USP42: variants seen among roughly 807,000 people sequenced by gnomAD.
USP42 encodes ubiquitin carboxyl-terminal hydrolase 42.
USP42 carries 23 observed loss-of-function variants against 113.0 expected under a neutral mutation model. The observed-to-expected ratio is 0.20, with a 90% CI of 0.15 to 0.29. USP42 has a LOEUF of 0.29. Ranked by LOEUF, USP42 falls within the 10% of genes least tolerant of loss-of-function variation. USP42 has a pLI of 1.00. For synonymous variants in USP42, 933 were observed against 699.0 expected (o/e 1.33, Z -5.28); for missense variants, 2,174 against 1,779.8 (o/e 1.22, Z -3.99).
At chr7:6,151,175 G>C (rs1583676559) in intron 14 of USP42, among the ~76,000 whole-genome samples, 1 of 152,244 alleles carries the variant, frequency 6.6e-6, no homozygotes, top group South Asian at 2.1e-4. Flanking sequence ...TGGCAGGACT[G>C]GAGGGTGCTC....
chr7:6,129,576 A>C lies in USP42; in HGVS notation c.443-6265A>C, dbSNP rs1294092996. On this transcript the variant is annotated intron_variant, in intron 3 of 17. Transcript: ENST00000306177. ...TGCCTCAGGAAAAAAAAAAAAAAAA[A>C]AGGACGAGGCGCGGTGGCTCATGCC... Among the ~76,000 whole-genome samples the C allele has an allele frequency of 2.9e-5, 4 of 136,692 alleles. 1 individual carries two copies. In the East Asian group the frequency reaches 9.2e-4, roughly 31 times the overall value. 89.7% of individuals were successfully genotyped at this position (136,692 alleles called of 152,430 possible). A position where few individuals can be genotyped will look rare whatever the true frequency, so the allele number is the denominator to read the frequency against.
chr7:6,104,738 C>T (rs1319800871), upstream of USP42: 1 of 152,152 alleles, frequency 6.6e-6, no homozygotes, highest in Non-Finnish European at 1.5e-5. Flanking sequence ...TGGTGACGCG[C>T]GACGTCTGCC....
At chr7:6,135,651 CAAAAAAAAAAAAA>C (rs1173165919) in intron 3 of USP42, among the ~76,000 whole-genome samples, 177 bp from the exon 4 acceptor site, 3 of 16,160 alleles carry the variant, frequency 1.9e-4, no homozygotes, top group Non-Finnish European at 2.8e-4. Flanking sequence ...GACTCCATCT[CAAAAAAAAAAAAA>C]AAAAAAAAAA....
At chr7:6,086,433 C>T in the USP42 span, among the ~76,000 whole-genome samples, 3 of 150,768 alleles carry the variant, frequency 2.0e-5, no homozygotes, top group Admixed American at 2.0e-4. Context: ...TCTCGATCTC[C>T]TGACATCATG....
chr7:6,127,543 G>C (rs147380273), intron 3 of USP42, among the ~76,000 whole-genome samples: 1 of 151,692 alleles, frequency 6.6e-6, no homozygotes, highest in East Asian at 1.9e-4. Context: ...AGCTGTCTTT[G>C]TTGAATTGCT....
At chr7:6,119,870 A>G (rs947584377) in intron 3 of USP42, among the ~76,000 whole-genome samples, 1 of 151,804 alleles carries the variant, frequency 6.6e-6, no homozygotes, top group Non-Finnish European at 1.5e-5. Context: ...CACCTAGCTA[A>G]TTTTTTGTTT....
the USP42 span, among the ~76,000 whole-genome samples, chr7:6,082,456 T>C: frequency 1.4e-5 from 2 of 146,346 alleles, no homozygotes; most frequent in Non-Finnish European, 2.9e-5. Flanking sequence ...CCTAAACATA[T>C]AAAATATATT....
chr7:6,111,438 G>T, intron 2 of USP42, 64 bp downstream of exon 2: 1 of 1,567,164 alleles, frequency 6.4e-7, no homozygotes, highest in Non-Finnish European at 8.7e-7. Flanking sequence ...CTGGGGCTTG[G>T]TGGTTTCAGA....
At chr7:6,115,023 G>A (rs1779840774) in intron 2 of USP42, among the ~76,000 whole-genome samples, 1 of 151,810 alleles carries the variant, frequency 6.6e-6, no homozygotes, top group Non-Finnish European at 1.5e-5. Context: ...GTTGTTCAGA[G>A]CAGCATCCAA....
rs774981405 is a variant in USP42, at chr7:6,153,899, G to A, written c.2345G>A (p.Gly782Asp). The A allele has an allele frequency of 1.9e-6, 3 of 1,587,908 alleles. No individual in the cohort carries two copies. Among genetic ancestry groups the A allele is most frequent in the African/African-American group, 1.4e-5 (1 of 74,050 alleles). Residue 782 changes from glycine to aspartate, a missense_variant, in exon 15 of 18, where the codon GGC (glycine) becomes GAC (aspartate). Coordinates refer to ENST00000306177, the MANE Select transcript of USP42 (RefSeq NM_032172.3). ...AAGGCTCCGCCGCCCCGCGATCCCG[G>A]CACCCCCGCTACCAAAGAAGGCGCC... is the stretch of plus-strand genomic sequence containing the variant. ...TKKAPPPRDP[G>D]TPATKEGAWE...
Position 6,157,507 on chromosome 7 carries a change from C to T in USP42, c.3943+452C>T, listed in dbSNP as rs1782524940. ...CTGCCTCCCAGGTTCATGCTGTTCTCCTGCCTCAGCCTCCTGAGTAGCCGG... is the reference window on the plus strand; with the variant it reads ...CTGCCTCCCAGGTTCATGCTGTTCTTCTGCCTCAGCCTCCTGAGTAGCCGG... On this transcript the variant is annotated intron_variant, in intron 16 of 17. Transcript: ENST00000306177. This position sits in a 1 kb window ranked among gnomAD's most constrained non-coding sequence, Gnocchi z 4.1. 3 of 545,904 alleles carry T rather than the reference C, an allele frequency of 5.5e-6. No individual in the cohort carries two copies. The highest frequency in any genetic ancestry group is 7.0e-6 in the Non-Finnish European group (3 of 428,462). The allele number at this position is 545,904 out of a possible 1,614,324, so 33.8% of individuals were successfully genotyped here.
At chr7:6,097,993 C>T in the USP42 span, among the ~76,000 whole-genome samples, 1 of 143,240 alleles carries the variant, frequency 7.0e-6, no homozygotes. Flanking sequence ...CAAACTTCAA[C>T]TCCCTGGTTT....
At chr7:6,081,267 G>T in the USP42 span, 1 of 152,162 alleles carries the variant, frequency 6.6e-6, no homozygotes, top group African/African-American at 2.4e-5. Context: ...AGCGGCTAAC[G>T]GAGGTGAGCT....
intron 3 of USP42, among the ~76,000 whole-genome samples, chr7:6,126,085 C>G (rs1780527091): frequency 6.6e-6 from 1 of 152,156 alleles, no homozygotes; most frequent in Non-Finnish European, 1.5e-5. Flanking sequence ...CCCTGCCTTC[C>G]CCTTAACCTC....
At chr7:6,146,349 A>G in intron 11 of USP42, 101 bp downstream of exon 11, 1 of 824,754 alleles carries the variant, frequency 1.2e-6, no homozygotes, top group Non-Finnish European at 1.8e-6. Context: ...AAAAAAAAAA[A>G]AAACCCAGCA....
At chr7:6,099,178 T>C in the USP42 span, among the ~76,000 whole-genome samples, 1 of 148,322 alleles carries the variant, frequency 6.7e-6, no homozygotes, top group Non-Finnish European at 1.5e-5. Flanking sequence ...TTTATATTAC[T>C]GACTAATTGC....
the USP42 span, among the ~76,000 whole-genome samples, chr7:6,090,822 T>C: frequency 1.4e-5 from 2 of 147,008 alleles, no homozygotes; most frequent in East Asian, 3.9e-4. Context: ...ATATATAGTA[T>C]ATAACATATA....
At chr7:6,146,009 G>A in intron 10 of USP42, 139 bp from the exon 11 acceptor site, 1 of 701,956 alleles carries the variant, frequency 1.4e-6, no homozygotes, top group Non-Finnish European at 2.4e-6. Flanking sequence ...GGTGGAGATT[G>A]CAAGATCACG....
intron 3 of USP42, among the ~76,000 whole-genome samples, chr7:6,121,717 T>C (rs536417930): frequency 1.3e-5 from 2 of 152,284 alleles, no homozygotes; most frequent in African/African-American, 4.8e-5. Context: ...CAGGCTGGAG[T>C]ACAGTGGCAA....
Sources: gnomAD v4.1 joint callset for allele counts (sites outside exome capture counted in the v4.1 genomes callset) on GRCh38, gnomAD v4.1.1 for gene constraint, Gnocchi (gnomAD v3.1) non-coding constraint, MANE v1.5 for transcripts, NCBI Gene and HGNC (gene_info 2026-07-23, HGNC 2026-07-21) for gene names.